AP1AR: variants seen among roughly 807,000 people sequenced by gnomAD.
AP1AR encodes adaptor related protein complex 1 associated regulatory protein.
In AP1AR, 29 loss-of-function variants were observed where a neutral mutation model predicts 46.3. The ratio of observed to expected loss-of-function variants is 0.63; its 90% CI spans 0.47 to 0.85. The LOEUF is 0.85. Among genes scored for constraint, AP1AR ranks in the 40% least tolerant of loss-of-function variants. AP1AR has a pLI of 0.00. For missense variants in AP1AR, 357 were observed against 356.3 expected (o/e 1.00, Z -0.02); for synonymous variants, 122 against 122.9 (o/e 0.99, Z 0.05).
intron 1 of AP1AR, among the ~76,000 whole-genome samples, chr4:112,233,589 A>G (rs901336969): frequency 6.6e-6 from 1 of 152,256 alleles, no homozygotes; most frequent in Admixed American, 6.5e-5. Flanking sequence ...TTCTAACTCC[A>G]AGAAAGTTGG....
intron 2 of AP1AR, 54 bp from the exon 3 acceptor site, chr4:112,254,693 G>A: frequency 8.7e-7 from 1 of 1,143,650 alleles, no homozygotes; most frequent in East Asian, 2.6e-5. Context: ...TTTCTTGTGA[G>A]ATGTATACCT....
intron 2 of AP1AR, 142 bp from the exon 3 acceptor site, chr4:112,254,605 A>G (rs1013732005): frequency 4.3e-6 from 2 of 463,868 alleles, no homozygotes; most frequent in Non-Finnish European, 7.7e-6. Context: ...AAATGAAATG[A>G]TGTATTAAAG....
At chr4:112,265,348 C>G (rs964419934) in intron 7 of AP1AR, 2 of 370,680 alleles carry the variant, frequency 5.4e-6, no homozygotes, top group African/African-American at 2.1e-5. Context: ...GTTTATACCC[C>G]AGTTGTTTGT....
chr4:112,232,095 G>T lies in AP1AR; in HGVS notation c.4G>T (p.Gly2Trp). 1 of 1,346,072 alleles carries T rather than the reference G, an allele frequency of 7.4e-7. No homozygotes were observed. Among genetic ancestry groups the T allele is most frequent in the South Asian group, 1.9e-5 (1 of 51,348 alleles). The allele number at this position is 1,346,072 out of a possible 1,614,324, so 83.4% of individuals were successfully genotyped here. ...GGCGGCGCCTGGGCGGCATGCGATG[G>T]GGAACTGCTGCTGGACGCAGTGCTT... M[G>W]NCCWTQCFGL... Residue 2 changes from glycine (G) to tryptophan (W), a missense_variant, in exon 1 of 10, where the codon GGG becomes TGG. Transcript: ENST00000274000.
In AP1AR at chr4:112,254,752, G is replaced by A. The variant is rs369106918; in HGVS notation, c.138G>A (p.Glu46=). ...SRGEHLTIEF[E]NLVESDEGES... ...TTACTTTTTTGTCCTTTCAGTTTGA[G>A]AATCTAGTAGAAAGTGATGAAGTAA... Residue 46 remains glutamate, a synonymous_variant, in exon 3 of 10, where the codon GAG becomes GAA. Coordinates refer to ENST00000274000, the MANE Select transcript of AP1AR (RefSeq NM_018569.6). The A allele has an allele frequency of 2.3e-5, 35 of 1,505,118 alleles. No individual in the cohort carries two copies. The highest frequency in any genetic ancestry group is 1.7e-4 in the Middle Eastern group (1 of 5,768). 93.2% of individuals were successfully genotyped at this position (1,505,118 alleles called of 1,614,324 possible).
chr4:112,239,976 T>A (rs1560601865), intron 1 of AP1AR, among the ~76,000 whole-genome samples: 1 of 152,242 alleles, frequency 6.6e-6, no homozygotes, highest in Non-Finnish European at 1.5e-5. Context: ...CTTTTCCAAT[T>A]TATCCTGCAC....
At chr4:112,235,203 T>G (rs1326757574) in intron 1 of AP1AR, among the ~76,000 whole-genome samples, 1 of 152,214 alleles carries the variant, frequency 6.6e-6, no homozygotes, top group Non-Finnish European at 1.5e-5. Context: ...TCTACAGGGC[T>G]CCATCTGCTG....
intron 1 of AP1AR, among the ~76,000 whole-genome samples, chr4:112,237,997 C>T (rs755393695): frequency 3.9e-5 from 6 of 152,242 alleles, no homozygotes; most frequent in Non-Finnish European, 7.3e-5. Flanking sequence ...GTCACAACTA[C>T]TGAACTTGCC....
Position 112,260,791 on chromosome 4 carries a change from G to T in AP1AR, c.211G>T (p.Asp71Tyr). 1 of 1,594,222 alleles carries T rather than the reference G, an allele frequency of 6.3e-7. No homozygotes were observed. Among genetic ancestry groups the T allele is most frequent in the South Asian group, 1.2e-5 (1 of 86,276 alleles). ...HRPLTEEEIV[D>Y]LRERHYDSIA... ...GCCTCTTACTGAGGAAGAAATTGTT[G>T]ACCTAAGAGAAAGGCATTATGATTC... The change falls in exon 5 of 10, where the codon GAC becomes TAC. Residue 71 changes from aspartate to tyrosine, a missense_variant. Asp to Tyr is a radical substitution (Grantham distance 160, BLOSUM62 -3). Coordinates refer to ENST00000274000, the MANE Select transcript of AP1AR (RefSeq NM_018569.6).
In AP1AR at chr4:112,266,532, C is replaced by T. The variant is rs184120314; in HGVS notation, c.515-56C>T. The T allele has an allele frequency of 1.8e-4, 268 of 1,530,628 alleles. 1 individual carries two copies. The African/African-American group carries it at 3.1e-3, about 17-fold the overall frequency. The allele number at this position is 1,530,628 out of a possible 1,614,324, so 94.8% of individuals were successfully genotyped here. A position where few individuals can be genotyped will look rare whatever the true frequency, so the allele number is the denominator to read the frequency against. On this transcript the variant is annotated intron_variant, in intron 8 of 9. Transcript: ENST00000274000. ...AGATAATTGTTACAAAATAAAACGG[C>T]TGTTGCGGTGGAAGAGTAGATGAGA...
At chr4:112,232,223 G>A in intron 1 of AP1AR, 49 bp downstream of exon 1, 1 of 1,254,382 alleles carries the variant, frequency 8.0e-7, no homozygotes, top group Non-Finnish European at 1.0e-6. Context: ...CTCCTCTTCG[G>A]CCCCCGGCGG....
chr4:112,270,634 C>G lies in AP1AR; in HGVS notation c.*2225C>G, dbSNP rs1476753419. ...AACCTGGTATGAAGCATGTTATAAG[C>G]AAAGGGAACGGCAAGTACAAAGTAC... is the stretch of plus-strand genomic sequence containing the variant. On this transcript the variant is annotated 3_prime_UTR_variant, in exon 10 of 10. Transcript: ENST00000274000. Among the ~76,000 whole-genome samples, 1 of 152,078 alleles carries G rather than the reference C, an allele frequency of 6.6e-6. No individual in the cohort carries two copies. The highest frequency in any genetic ancestry group is 1.5e-5 in the Non-Finnish European group (1 of 68,018).
intron 5 of AP1AR, among the ~76,000 whole-genome samples, chr4:112,262,139 C>G (rs1186888043): frequency 6.6e-6 from 1 of 152,042 alleles, no homozygotes; most frequent in Non-Finnish European, 1.5e-5. Context: ...CTTGGCAAGA[C>G]CTCATCTCTG....
intron 3 of AP1AR, 191 bp downstream of exon 3, chr4:112,254,964 T>C (rs1726119051): frequency 4.7e-6 from 1 of 211,402 alleles, no homozygotes; most frequent in Admixed American, 6.1e-5. Context: ...TAATTCCGAA[T>C]TTTTTTTTTT....
At chr4:112,266,793 T>TA (rs1214125552) in intron 9 of AP1AR, 77 bp downstream of exon 9, 1 of 1,357,680 alleles carries the variant, frequency 7.4e-7, no homozygotes, top group African/African-American at 1.5e-5. Context: ...CCTTGGTCTT[T>TA]ATTTAAATGG....
intron 3 of AP1AR, among the ~76,000 whole-genome samples, chr4:112,255,070 C>T (rs1464398250): frequency 6.6e-6 from 1 of 151,962 alleles, no homozygotes; most frequent in African/African-American, 2.4e-5. Flanking sequence ...CGCCATTCTC[C>T]TGCCTCAGCC....
intron 3 of AP1AR, 102 bp from the exon 4 acceptor site, chr4:112,257,670 G>T: frequency 3.7e-6 from 3 of 811,820 alleles, no homozygotes; most frequent in Admixed American, 3.2e-5. Flanking sequence ...ATAAAAAATG[G>T]GTAAGTTGAA....
At position 112,266,605 on chromosome 4, in the gene AP1AR, A is replaced by T; in HGVS notation, c.532A>T (p.Thr178Ser). 6.2e-7 allele frequency: 1 copy of T among 1,610,446 alleles called. No individual in the cohort carries two copies. Among genetic ancestry groups the T allele is most frequent in the African/African-American group, 1.3e-5 (1 of 74,880 alleles). ...FRSSRLSSDA[T>S]VLTPNTESSC... is the part of the protein sequence containing the mutation. Reference sequence around the variant, plus strand: ...TATTCTAGGACTCTCATCAGATGCTACAGTTTTGACACCAAATACAGAAAG... The same window carrying T: ...TATTCTAGGACTCTCATCAGATGCTTCAGTTTTGACACCAAATACAGAAAG... The change falls in exon 9 of 10, where the codon ACA (threonine) becomes TCA (serine). Residue 178 changes from threonine (T) to serine (S), a missense_variant. Transcript: ENST00000274000.
Position 112,266,612 on chromosome 4 carries a change from T to C in AP1AR, c.539T>C (p.Leu180Ser), listed in dbSNP as rs887281791. 6.2e-7 allele frequency: 1 copy of C among 1,610,662 alleles called. No individual in the cohort carries two copies. The highest frequency in any genetic ancestry group is 8.5e-7 in the Non-Finnish European group (1 of 1,177,724). Reference sequence around the variant, plus strand: ...GGACTCTCATCAGATGCTACAGTTTTGACACCAAATACAGAAAGCAGTTGT... The same window carrying C: ...GGACTCTCATCAGATGCTACAGTTTCGACACCAAATACAGAAAGCAGTTGT... ...SSRLSSDATV[L>S]TPNTESSCDL... The change falls in exon 9 of 10, where the codon TTG becomes TCG. Residue 180 changes from leucine to serine, a missense_variant. By Grantham distance (145) the Leu-to-Ser change is moderately radical (BLOSUM62 -2). Coordinates refer to ENST00000274000, the MANE Select transcript of AP1AR (RefSeq NM_018569.6).
Sources: gnomAD v4.1 joint callset for allele counts (sites outside exome capture counted in the v4.1 genomes callset) on GRCh38, gnomAD v4.1.1 for gene constraint, MANE v1.5 for transcripts, NCBI Gene and HGNC (gene_info 2026-07-23, HGNC 2026-07-21) for gene names.